Variants in AFF3 observed in about 807,000 individuals in gnomAD.
The protein encoded by AFF3 is ALF transcription elongation factor 3.
AFF3 carries 32 observed loss-of-function variants against 129.7 expected under a neutral mutation model. That is an observed-to-expected ratio of 0.25 (90% confidence interval 0.19 to 0.33). The LOEUF is 0.33. AFF3 is among the 10% of genes least tolerant of loss of function. AFF3 has a pLI of 1.00. For missense variants in AFF3, 1,373 were observed against 1,592.0 expected, an observed-to-expected ratio of 0.86 and a Z score of 2.34; for synonymous variants, 644 against 635.4, an observed-to-expected ratio of 1.01 and a Z score of -0.20.
chr2:99,814,629 C>T (rs1329923684), intron 8 of AFF3, among the ~76,000 whole-genome samples: 2 of 152,112 alleles, frequency 1.3e-5, no homozygotes. Context: ...ATTGTTCCAG[C>T]CCCTTACCAC....
chr2:99,695,525 A>G (rs866393301), intron 11 of AFF3, among the ~76,000 whole-genome samples: 3 of 152,138 alleles, frequency 2.0e-5, no homozygotes, highest in Non-Finnish European at 2.9e-5. Context: ...CAGGGGAAAA[A>G]AATCTGGGAA....
chr2:99,758,257 C>T (rs1287553231), intron 8 of AFF3, among the ~76,000 whole-genome samples: 3 of 152,268 alleles, frequency 2.0e-5, no homozygotes, highest in East Asian at 1.9e-4. Context: ...ACTCAATTTT[C>T]GTAATTCAGA....
intron 12 of AFF3, among the ~76,000 whole-genome samples, chr2:99,653,840 T>C (rs1366658401): frequency 6.6e-6 from 1 of 151,496 alleles, no homozygotes; most frequent in African/African-American, 2.4e-5. Flanking sequence ...TGCAACAGCA[T>C]GGTACTTAGC....
chr2:99,979,822 C>T (rs1679234124), intron 7 of AFF3, among the ~76,000 whole-genome samples: 1 of 152,108 alleles, frequency 6.6e-6, no homozygotes, highest in African/African-American at 2.4e-5. Context: ...AAATCATTCC[C>T]TAGTTCTACT....
In AFF3 at chr2:99,550,385, A is replaced by G; in HGVS notation, c.*1089T>C. On this transcript the variant is annotated 3_prime_UTR_variant, in exon 25 of 25. Transcript: ENST00000672756. The stretch of plus-strand genomic sequence containing the variant: ...AAAGGGCTGCAGGTGCACATTCTGC[A>G]TGAGGAGTGAGAGAATCAGCATTAT... 2 of 230,284 alleles carry G rather than the reference A, an allele frequency of 8.7e-6. No homozygotes were observed. The highest frequency in any genetic ancestry group is 1.7e-5 in the Non-Finnish European group (2 of 116,128). The allele number at this position is 230,284 out of a possible 1,614,324, so 14.3% of individuals were successfully genotyped here. A position where few individuals can be genotyped will look rare whatever the true frequency, so the allele number is the denominator to read the frequency against.
intron 8 of AFF3, among the ~76,000 whole-genome samples, chr2:99,830,382 G>C (rs1160919342): frequency 1.3e-5 from 2 of 152,218 alleles, no homozygotes; most frequent in Admixed American, 1.3e-4. Context: ...AGTTGCAGTG[G>C]TGGTGGTTTC....
intron 14 of AFF3, among the ~76,000 whole-genome samples, chr2:99,595,193 C>A (rs540032072): frequency 2.1e-4 from 32 of 152,226 alleles, no homozygotes; most frequent in African/African-American, 7.7e-4. Context: ...AATTAAGGAC[C>A]AATCCAATAA....
intron 4 of AFF3, among the ~76,000 whole-genome samples, chr2:100,082,628 A>AT (rs1180140653): frequency 2.0e-5 from 3 of 152,194 alleles, no homozygotes; most frequent in Non-Finnish European, 4.4e-5. Context: ...TGAATATTGC[A>AT]TAATGGAGGG....
At chr2:99,808,818 C>T (rs1686559770) in intron 8 of AFF3, among the ~76,000 whole-genome samples, 1 of 152,194 alleles carries the variant, frequency 6.6e-6, no homozygotes, top group Admixed American at 6.5e-5. Flanking sequence ...TGTACTTTCC[C>T]CCAACTAGAA....
Position 99,592,939 on chromosome 2 carries a change from C to T in AFF3, c.2466+256G>A, listed in dbSNP as rs13003384. On this transcript the variant is annotated intron_variant, in intron 15 of 24. Transcript: ENST00000672756. The stretch of plus-strand genomic sequence containing the variant: ...CGACAGAGTGAGACTCCCTCCCCCC[C>T]CCCCAAAAAAAGGGATAATAATGGT... 7.8e-4 allele frequency among the ~76,000 whole-genome samples: 74 copies of T among 94,450 alleles called. 1 individual carries two copies. Among genetic ancestry groups the T allele is most frequent in the African/African-American group, 2.6e-3 (67 of 25,890 alleles). 62.0% of individuals were successfully genotyped at this position (94,450 alleles called of 152,430 possible).
chr2:99,558,787 A>G, intron 22 of AFF3, 88 bp downstream of exon 22: 1 of 1,322,888 alleles, frequency 7.6e-7, no homozygotes, highest in Non-Finnish European at 1.1e-6. Context: ...ATTAACCCCA[A>G]AGCAATGGAG....
intron 13 of AFF3, among the ~76,000 whole-genome samples, chr2:99,622,405 G>T (rs1446739117): frequency 2.0e-5 from 3 of 152,174 alleles, no homozygotes; most frequent in Non-Finnish European, 2.9e-5. Flanking sequence ...TTTAAGGTTT[G>T]CTGAAAATAG....
intron 20 of AFF3, among the ~76,000 whole-genome samples, chr2:99,563,509 T>C (rs1425690874): frequency 3.3e-5 from 5 of 150,204 alleles, no homozygotes; most frequent in East Asian, 4.0e-4. Context: ...TATTTTCTAA[T>C]GTAGGTTGAA....
intron 13 of AFF3, among the ~76,000 whole-genome samples, chr2:99,621,130 T>G (rs1407621864): frequency 6.6e-6 from 1 of 152,222 alleles, no homozygotes; most frequent in African/African-American, 2.4e-5. Flanking sequence ...CTGTGTTAAT[T>G]TCTATTTTAA....
chr2:100,112,228 C>T (rs753649950), intron 2 of AFF3, among the ~76,000 whole-genome samples: 1 of 152,160 alleles, frequency 6.6e-6, no homozygotes, highest in Non-Finnish European at 1.5e-5. Flanking sequence ...AAGAGGAGCA[C>T]ATGGCCATGG....
At chr2:100,108,910 T>C (rs1271161575) in intron 2 of AFF3, among the ~76,000 whole-genome samples, 3 of 76,212 alleles carry the variant, frequency 3.9e-5, no homozygotes, top group Non-Finnish European at 8.1e-5. Context: ...TTTCTTTCCT[T>C]TTTTTTTTTT....
chr2:99,785,571 T>G (rs538978398), intron 8 of AFF3, among the ~76,000 whole-genome samples: 2 of 152,312 alleles, frequency 1.3e-5, no homozygotes, highest in Admixed American at 1.3e-4. Context: ...GACATTTTTA[T>G]TTCCCCTTAG....
chr2:99,898,583 C>T (rs1178628430), intron 7 of AFF3, among the ~76,000 whole-genome samples: 1 of 152,166 alleles, frequency 6.6e-6, no homozygotes, highest in Non-Finnish European at 1.5e-5. Flanking sequence ...TCTTCTCTGC[C>T]CCGGGCATGG....
At chr2:99,733,378 C>A (rs1321660248) in intron 10 of AFF3, among the ~76,000 whole-genome samples, 101 of 134,458 alleles carry the variant, frequency 7.5e-4, no homozygotes, top group South Asian at 9.3e-4. Context: ...AGACTCCGTC[C>A]AAAAAAAAAA....
Sources: allele counts gnomAD v4.1 joint callset (sites outside exome capture counted in the v4.1 genomes callset), GRCh38; gene constraint gnomAD v4.1.1; transcripts MANE v1.5; gene names NCBI Gene and HGNC (gene_info 2026-07-23, HGNC 2026-07-21).